The following C1QTNF7 variants were observed in gnomAD, a reference collection of about 807,000 sequenced individuals.
C1QTNF7 encodes C1q and TNF related 7, also known as complement C1q tumor necrosis factor-related protein 7.
A neutral mutation model predicts 19.6 loss-of-function variants in C1QTNF7; 15 were observed. The observed-to-expected ratio is 0.76, with a 90% confidence interval of 0.51 to 1.18. C1QTNF7 has a LOEUF of 1.18. Among genes scored for constraint, C1QTNF7 ranks in the 50% most tolerant of loss-of-function variants. The pLI, the probability that C1QTNF7 is intolerant of heterozygous loss-of-function variation, is 0.00. For missense variants in C1QTNF7, 324 were observed against 359.7 expected (o/e 0.90, Z 0.80); for synonymous variants, 142 against 137.5 (o/e 1.03, Z -0.23).
intron 1 of C1QTNF7, among the ~76,000 whole-genome samples, chr4:15,345,501 C>A (rs1716685820): frequency 6.6e-6 from 1 of 152,166 alleles, no homozygotes; most frequent in Non-Finnish European, 1.5e-5. Context: ...CTCTCCCCAG[C>A]ATATACTCTT....
intron 1 of C1QTNF7, among the ~76,000 whole-genome samples, chr4:15,388,187 G>T (rs1046490422): frequency 2.0e-5 from 3 of 152,204 alleles, no homozygotes; most frequent in African/African-American, 7.2e-5. Context: ...GGTGCCAGAG[G>T]TTTAAAGATA....
intron 1 of C1QTNF7, among the ~76,000 whole-genome samples, chr4:15,404,862 G>A (rs1000790009): frequency 1.3e-5 from 2 of 152,154 alleles, no homozygotes; most frequent in African/African-American, 4.8e-5. Context: ...CATCCCCAAA[G>A]CATCTGTGAT....
At chr4:15,361,846 G>A (rs1317367647) in intron 1 of C1QTNF7, among the ~76,000 whole-genome samples, 1 of 152,116 alleles carries the variant, frequency 6.6e-6, no homozygotes, top group East Asian at 1.9e-4. Context: ...AAAGCCAAAA[G>A]GATCTTTGGG....
chr4:15,348,304 A>G (rs931737647), intron 1 of C1QTNF7, among the ~76,000 whole-genome samples: 7 of 152,168 alleles, frequency 4.6e-5, no homozygotes, highest in African/African-American at 1.7e-4. Context: ...TATTTCCACA[A>G]TGCTGTCAAA....
At chr4:15,398,996 A>T (rs1718890790) in intron 1 of C1QTNF7, among the ~76,000 whole-genome samples, 1 of 152,004 alleles carries the variant, frequency 6.6e-6, no homozygotes, top group East Asian at 1.9e-4. Flanking sequence ...TTGGGAGGTG[A>T]GCATGCGCAG....
At chr4:15,368,369 C>T (rs1020601399) in intron 1 of C1QTNF7, among the ~76,000 whole-genome samples, 1 of 151,976 alleles carries the variant, frequency 6.6e-6, no homozygotes, top group Non-Finnish European at 1.5e-5. Context: ...TATACATGTG[C>T]CATGTTGGTG....
At chr4:15,342,962 A>G (rs953414846) in intron 1 of C1QTNF7, among the ~76,000 whole-genome samples, 7 of 152,208 alleles carry the variant, frequency 4.6e-5, no homozygotes, top group African/African-American at 1.7e-4. Flanking sequence ...TATCTGTTAA[A>G]TGAAGATAGT....
rs1198758369 is a variant in C1QTNF7, at chr4:15,445,899, G to C, written c.*3100G>C. 1 of 151,898 alleles carries C rather than the reference G, an allele frequency of 6.6e-6. No homozygotes were observed. Among genetic ancestry groups the C allele is most frequent in the Non-Finnish European group, 1.5e-5 (1 of 67,964 alleles). The allele number at this position is 151,898 out of a possible 1,614,324, so 9.4% of individuals were successfully genotyped here. ...AAAAAGAAAACAGCAGTCAAAAGCAGATGAGAAGAAATGGGAAAAACAAAA... is the reference window on the plus strand; with the variant it reads ...AAAAAGAAAACAGCAGTCAAAAGCACATGAGAAGAAATGGGAAAAACAAAA... On this transcript the variant is annotated 3_prime_UTR_variant, in exon 3 of 3. Coordinates refer to ENST00000444304, the MANE Select transcript of C1QTNF7 (RefSeq NM_031911.5).
intron 1 of C1QTNF7, among the ~76,000 whole-genome samples, chr4:15,365,585 T>A (rs939514731): frequency 2.6e-5 from 4 of 152,162 alleles, no homozygotes; most frequent in African/African-American, 9.7e-5. Context: ...TCAAACCAGC[T>A]TAAGAAAAGA....
chr4:15,370,945 T>C lies in C1QTNF7; in HGVS notation c.13+30738T>C, dbSNP rs28415562. ...TAACTCACCAACAAAACTAGGCTTCTTGAGGTTCCCTAAACACAACATGCT... is the reference window on the plus strand; with the variant it reads ...TAACTCACCAACAAAACTAGGCTTCCTGAGGTTCCCTAAACACAACATGCT... On this transcript the variant is annotated intron_variant, in intron 1 of 2. Transcript: ENST00000295297. Among the ~76,000 whole-genome samples the C allele has an allele frequency of 3.1e-3, 478 of 152,364 alleles. 3 individuals carry two copies. Among genetic ancestry groups the C allele is most frequent in the African/African-American group, 0.011 (465 of 41,584 alleles).
At chr4:15,392,156 C>T (rs932139385) in intron 1 of C1QTNF7, among the ~76,000 whole-genome samples, 1 of 152,172 alleles carries the variant, frequency 6.6e-6, no homozygotes, top group African/African-American at 2.4e-5. Context: ...CCATAGACAC[C>T]AAGCTGAATT....
intron 1 of C1QTNF7, among the ~76,000 whole-genome samples, chr4:15,360,166 G>A (rs1717286544): frequency 6.6e-6 from 1 of 152,076 alleles, no homozygotes; most frequent in African/African-American, 2.4e-5. Context: ...TGAGTAGCCA[G>A]GGCTTTGGGA....
chr4:15,385,651 GTGAC>G (rs1281852584), intron 1 of C1QTNF7, among the ~76,000 whole-genome samples: 1 of 152,164 alleles, frequency 6.6e-6, no homozygotes, highest in Non-Finnish European at 1.5e-5. Flanking sequence ...CAACAGAAGA[GTGAC>G]TGACAGATCT....
chr4:15,410,598 A>C (rs1719369926), intron 1 of C1QTNF7, among the ~76,000 whole-genome samples: 1 of 152,214 alleles, frequency 6.6e-6, no homozygotes, highest in Admixed American at 6.5e-5. Context: ...TGGTTTTCAC[A>C]GTGCTGCAAT....
chr4:15,359,014 G>A (rs1267935693), intron 1 of C1QTNF7, among the ~76,000 whole-genome samples: 1 of 152,146 alleles, frequency 6.6e-6, no homozygotes, highest in Non-Finnish European at 1.5e-5. Flanking sequence ...AGTAAAGTGG[G>A]ACAATTGGGC....
intron 1 of C1QTNF7, among the ~76,000 whole-genome samples, chr4:15,410,919 A>G (rs1219197934): frequency 2.0e-5 from 3 of 152,190 alleles, no homozygotes; most frequent in Non-Finnish European, 4.4e-5. Flanking sequence ...ATCAACATCA[A>G]TTTCGAGTTA....
chr4:15,343,353 C>G (rs532182125), intron 1 of C1QTNF7, among the ~76,000 whole-genome samples: 1 of 152,262 alleles, frequency 6.6e-6, no homozygotes, highest in South Asian at 2.1e-4. Context: ...ATGTACTAAT[C>G]TCCACCAGTC....
At chr4:15,356,341 C>T (rs551501210) in intron 1 of C1QTNF7, among the ~76,000 whole-genome samples, 5 of 152,026 alleles carry the variant, frequency 3.3e-5, no homozygotes, top group Non-Finnish European at 7.4e-5. Flanking sequence ...TGAGTGAGAA[C>T]ATGCAGTGTT....
chr4:15,385,436 T>C (rs1014816763), intron 1 of C1QTNF7, among the ~76,000 whole-genome samples: 1 of 152,154 alleles, frequency 6.6e-6, no homozygotes, highest in African/African-American at 2.4e-5. Context: ...AACAGCATTC[T>C]CAGCTGAGGA....
Sources: gnomAD v4.1 joint callset for allele counts (sites outside exome capture counted in the v4.1 genomes callset) on GRCh38, gnomAD v4.1.1 for gene constraint, MANE v1.5 for transcripts, NCBI Gene and HGNC (gene_info 2026-07-23, HGNC 2026-07-21) for gene names.